The following ADAMTS3 variants were observed in gnomAD, a reference collection of about 807,000 sequenced individuals.
ADAMTS3 encodes the protein ADAM metallopeptidase with thrombospondin type 1 motif 3.
In ADAMTS3, 73 loss-of-function variants were observed where a neutral mutation model predicts 129.0. The ratio of observed to expected loss-of-function variants is 0.57; its 90% CI spans 0.47 to 0.69. The LOEUF (loss-of-function observed/expected upper bound fraction) is 0.69, where lower values mean the gene tolerates loss of function less well. Ranked by LOEUF, ADAMTS3 falls within the 30% of genes least tolerant of loss-of-function variation. The pLI is 0.00. For synonymous variants in ADAMTS3, 477 were observed against 510.8 expected (o/e 0.93, Z 0.89); for missense variants, 1,457 against 1,514.5 (o/e 0.96, Z 0.63).
intron 3 of ADAMTS3, among the ~76,000 whole-genome samples, chr4:72,546,786 C>T (rs1302026285): frequency 1.3e-5 from 2 of 152,112 alleles, no homozygotes; most frequent in African/African-American, 2.4e-5. Context: ...AGAGTAAATG[C>T]CAGGACTCTG....
intron 4 of ADAMTS3, among the ~76,000 whole-genome samples, chr4:72,390,658 A>G (rs1721568865): frequency 6.6e-6 from 1 of 152,164 alleles, no homozygotes; most frequent in African/African-American, 2.4e-5. Context: ...AAGGAGCAAA[A>G]GGGTATGTTT....
At chr4:72,376,258 A>G (rs1031758132) in intron 4 of ADAMTS3, among the ~76,000 whole-genome samples, 1 of 152,204 alleles carries the variant, frequency 6.6e-6, no homozygotes, top group Non-Finnish European at 1.5e-5. Context: ...AGAGCCCAAG[A>G]TCAAGGTTAA....
chr4:72,542,153 T>A (rs1721347815), intron 3 of ADAMTS3, among the ~76,000 whole-genome samples: 1 of 133,402 alleles, frequency 7.5e-6, no homozygotes, highest in African/African-American at 3.1e-5. Flanking sequence ...TAACTATTGT[T>A]ATCATTATTT....
At chr4:72,518,359 G>C (rs904135946) in intron 3 of ADAMTS3, among the ~76,000 whole-genome samples, 4 of 152,146 alleles carry the variant, frequency 2.6e-5, no homozygotes, top group African/African-American at 7.2e-5. Context: ...AGGTACACTT[G>C]GTGCAGAGCT....
intron 3 of ADAMTS3, among the ~76,000 whole-genome samples, chr4:72,510,448 T>A (rs947424831): frequency 3.3e-5 from 5 of 151,908 alleles, no homozygotes; most frequent in Non-Finnish European, 7.4e-5. Context: ...AAATAACGTA[T>A]AAAAATTAGT....
intron 3 of ADAMTS3, among the ~76,000 whole-genome samples, chr4:72,504,514 G>A (rs1012114059): frequency 3.3e-5 from 5 of 151,952 alleles, no homozygotes; most frequent in Non-Finnish European, 7.4e-5. Context: ...CTTTAGCACT[G>A]GATTTGGACA....
intron 15 of ADAMTS3, 101 bp downstream of exon 15, chr4:72,309,296 G>T (rs1011189178): frequency 7.7e-6 from 9 of 1,162,920 alleles, no homozygotes; most frequent in South Asian, 6.4e-5. Context: ...GCTAAATTTT[G>T]ATTATGTTTA....
At position 72,290,885 on chromosome 4, in the gene ADAMTS3, A is replaced by G. The variant is rs758538365; in HGVS notation, c.2901T>C (p.Pro967=). Residue 967 remains proline, a synonymous_variant, in exon 20 of 22, where the codon CCT becomes CCC. Transcript: ENST00000286657. The stretch of plus-strand genomic sequence containing the variant: ...TCCAGGGTCCTGTTTTCCACTGTGC[A>G]GGGCAGGGCACTCTGTTACAGGGCC... ...SRRPCNRVPC[P]AQWKTGPWSE... 2 of 1,614,016 alleles carry G rather than the reference A, an allele frequency of 1.2e-6. No individual in the cohort carries two copies. The highest frequency in any genetic ancestry group is 1.1e-5 in the South Asian group (1 of 91,072).
chr4:72,430,961 C>A (rs1229185620), intron 3 of ADAMTS3, among the ~76,000 whole-genome samples: 2 of 151,506 alleles, frequency 1.3e-5, no homozygotes, highest in Non-Finnish European at 2.9e-5. Flanking sequence ...CAGATAGTAA[C>A]CAAGTAGATG....
intron 3 of ADAMTS3, among the ~76,000 whole-genome samples, chr4:72,447,071 T>C (rs994090410): frequency 2.0e-5 from 3 of 151,770 alleles, no homozygotes; most frequent in Non-Finnish European, 4.4e-5. Flanking sequence ...AACATTAGTG[T>C]CATTTTCCTC....
intron 3 of ADAMTS3, among the ~76,000 whole-genome samples, chr4:72,539,400 G>A (rs1721262738): frequency 7.0e-6 from 1 of 142,440 alleles, no homozygotes. Flanking sequence ...CACACGAAGA[G>A]ATGTTCAACT....
In ADAMTS3 at chr4:72,298,380, G is replaced by A; in HGVS notation, c.2487C>T (p.Asp829=). 1 of 1,612,932 alleles carries A rather than the reference G, an allele frequency of 6.2e-7. No homozygotes were observed. Among genetic ancestry groups the A allele is most frequent in the South Asian group, 1.1e-5 (1 of 91,018 alleles). The change falls in exon 18 of 22, where the codon GAC becomes GAT. Residue 829 remains aspartate (D), a synonymous_variant. Transcript: ENST00000286657. ...TGTTGCTGTTGATTGTAGGTACAGAGTCTTCATGGATGATGTACTTATATG... is the reference window on the plus strand; with the variant it reads ...TGTTGCTGTTGATTGTAGGTACAGAATCTTCATGGATGATGTACTTATATG... ...SLTYKYIIHE[D]SVPTINSNNV... is the part of the protein sequence containing the mutation.
intron 3 of ADAMTS3, among the ~76,000 whole-genome samples, chr4:72,428,679 G>T (rs62319891): frequency 0.67 from 101,185 of 151,806 alleles, 33,905 homozygotes; most frequent in South Asian, 0.8. Context: ...TCTGGTCACA[G>T]CTTTGCTATT....
At chr4:72,402,035 T>A (rs552360810) in intron 4 of ADAMTS3, among the ~76,000 whole-genome samples, 1 of 152,226 alleles carries the variant, frequency 6.6e-6, no homozygotes, top group Non-Finnish European at 1.5e-5. Context: ...AGGTAATATA[T>A]CACTATGTGC....
chr4:72,501,368 T>G (rs1231017425), intron 3 of ADAMTS3, among the ~76,000 whole-genome samples: 1 of 152,154 alleles, frequency 6.6e-6, no homozygotes, highest in Non-Finnish European at 1.5e-5. Context: ...TTATGTATAT[T>G]TATTTAAGCT....
rs749717867 is a variant in ADAMTS3, at chr4:72,290,914, G to A, written c.2872C>T (p.Arg958Cys). The A allele has an allele frequency of 3.1e-6, 5 of 1,613,898 alleles. No homozygotes were observed. The highest frequency in any genetic ancestry group is 1.1e-5 in the South Asian group (1 of 91,080). Residue 958 changes from arginine (R) to cysteine (C), a missense_variant, in exon 20 of 22, where the codon CGC (arginine) becomes TGC (cysteine). Physicochemically the swap from Arg to Cys is radical, Grantham distance 180. Transcript: ENST00000286657. ...CAGGGCACTCTGTTACAGGGCCGGC[G>A]GCTCTCGGGACGGTCACCCATGCAG... ...KYCMGDRPES[R>C]RPCNRVPCPA...
chr4:72,466,549 G>A (rs184769063), intron 3 of ADAMTS3, among the ~76,000 whole-genome samples: 13 of 152,090 alleles, frequency 8.5e-5, no homozygotes, highest in Non-Finnish European at 1.6e-4. Flanking sequence ...TTTGCTAATC[G>A]ACAGAATGTG....
At chr4:72,526,187 G>A (rs76308938) in intron 3 of ADAMTS3, among the ~76,000 whole-genome samples, 93 of 152,276 alleles carry the variant, frequency 6.1e-4, no homozygotes, top group Non-Finnish European at 1.2e-3. Context: ...TGGCCCCACC[G>A]TAACCCTGGC....
At chr4:72,466,465 CA>C (rs1209582242) in intron 3 of ADAMTS3, among the ~76,000 whole-genome samples, 1 of 152,056 alleles carries the variant, frequency 6.6e-6, no homozygotes, top group East Asian at 1.9e-4. Context: ...CGTTACAGCA[CA>C]AGAGATGTGA....
Sources: gnomAD v4.1 joint callset for allele counts (sites outside exome capture counted in the v4.1 genomes callset) on GRCh38, gnomAD v4.1.1 for gene constraint, MANE v1.5 for transcripts, NCBI Gene and HGNC (gene_info 2026-07-23, HGNC 2026-07-21) for gene names.